Variants in MYOM1 observed in about 807,000 individuals in gnomAD.
The protein encoded by MYOM1 is myomesin-1.
Under a neutral mutation model 205.3 loss-of-function variants are expected in MYOM1, and 164 were observed. That is an observed-to-expected ratio of 0.80 (90% CI 0.70 to 0.91). The LOEUF is 0.91. Ranked by LOEUF, MYOM1 falls within the 40% of genes least tolerant of loss-of-function variation. The pLI, the probability that MYOM1 is intolerant of heterozygous loss-of-function variation, is 0.00. For missense variants in MYOM1, 2,011 were observed against 2,127.3 expected, an observed-to-expected ratio of 0.95 and a Z score of 1.08; for synonymous variants, 772 against 789.4, an observed-to-expected ratio of 0.98 and a Z score of 0.37.
chr18:3,114,410 T>C (rs7506194), intron 21 of MYOM1, among the ~76,000 whole-genome samples: 131,132 of 150,172 alleles, frequency 0.87, 57,787 homozygotes, highest in East Asian at 0.97. Flanking sequence ...CAGAGTCTCG[T>C]TCTGTTGCCC....
intron 21 of MYOM1, among the ~76,000 whole-genome samples, chr18:3,114,569 T>TTTTTTTTTTG (rs1349795714): frequency 1.5e-5 from 2 of 131,994 alleles, no homozygotes; most frequent in African/African-American, 5.4e-5. Context: ...TTTTTTTTTT[T>TTTTTTTTTTG]AGAGACAGGG....
intron 21 of MYOM1, among the ~76,000 whole-genome samples, chr18:3,113,296 GTC>G (rs1567911977): frequency 1.1e-3 from 12 of 11,180 alleles, no homozygotes; most frequent in Non-Finnish European, 2.2e-3. Context: ...ATGTGTTTGT[GTC>G]TATATATATA....
chr18:3,170,678 G>C (rs751869710), intron 8 of MYOM1, among the ~76,000 whole-genome samples: 1 of 152,148 alleles, frequency 6.6e-6, no homozygotes, highest in Non-Finnish European at 1.5e-5. Flanking sequence ...AGAAACGACT[G>C]TTTATTGATG....
At chr18:3,134,625 C>T (rs754859000) in intron 16 of MYOM1, 25 bp downstream of exon 16, 59 of 1,586,222 alleles carry the variant, frequency 3.7e-5, no homozygotes, top group South Asian at 3.2e-4. Flanking sequence ...GGCCATTGCC[C>T]GCCCTGCACA....
At chr18:3,173,162 A>T (rs548618173) in intron 8 of MYOM1, among the ~76,000 whole-genome samples, 2 of 152,372 alleles carry the variant, frequency 1.3e-5, no homozygotes, top group African/African-American at 2.4e-5. Context: ...CTTCTCATAA[A>T]TAGAAGTTCT....
At chr18:3,137,261 T>C (rs565965754) in intron 14 of MYOM1, among the ~76,000 whole-genome samples, 50 of 152,308 alleles carry the variant, frequency 3.3e-4, no homozygotes, top group African/African-American at 1.1e-3. Flanking sequence ...GTGTTTTTTT[T>C]CTAAATGACT....
intron 23 of MYOM1, among the ~76,000 whole-genome samples, chr18:3,101,132 T>A (rs2079370211): frequency 6.6e-6 from 1 of 152,242 alleles, no homozygotes. Context: ...AAATGTGTTT[T>A]ATGTCAAGAA....
chr18:3,206,197 T>C (rs1298630953), intron 2 of MYOM1, among the ~76,000 whole-genome samples: 2 of 152,254 alleles, frequency 1.3e-5, no homozygotes, highest in South Asian at 2.1e-4. Context: ...TGCTGACTTA[T>C]CTATGTGTTT....
intron 13 of MYOM1, among the ~76,000 whole-genome samples, chr18:3,147,112 T>A (rs1248761526): frequency 1.4e-5 from 2 of 140,452 alleles, no homozygotes; most frequent in Admixed American, 1.5e-4. Context: ...ATATATATAT[T>A]TATATATAAA....
At chr18:3,235,334 CT>C in the MYOM1 span, among the ~76,000 whole-genome samples, 1 of 152,180 alleles carries the variant, frequency 6.6e-6, no homozygotes, top group Non-Finnish European at 1.5e-5. Context: ...AGTGAGTGGC[CT>C]TACCATCTGT....
chr18:3,188,610 C>G (rs1264583351), intron 4 of MYOM1, 138 bp downstream of exon 4: 1 of 960,614 alleles, frequency 1.0e-6, no homozygotes, highest in African/African-American at 1.7e-5. Context: ...ACCTGGGGGA[C>G]AGAGTGAGAC....
rs1384852621 is a variant in MYOM1 at position 3,151,761 on chromosome 18, T to C, written c.1776A>G (p.Ile592Met). The change falls in exon 12 of 38, where the codon ATA (isoleucine) becomes ATG (methionine). Residue 592 changes from isoleucine to methionine, a missense_variant. Coordinates refer to ENST00000356443, the MANE Select transcript of MYOM1 (RefSeq NM_003803.4). ...GCTCGGAAACTCGAGATGGGAAACC[T>C]ATTCCCATTTTATTCACAGCTCGAA... ...FRVRAVNKMG[I>M]GFPSRVSEPV... 6.2e-7 allele frequency: 1 copy of C among 1,613,894 alleles called. No individual in the cohort carries two copies. The highest frequency in any genetic ancestry group is 8.5e-7 in the Non-Finnish European group (1 of 1,179,816).
At chr18:3,194,079 A>G in intron 2 of MYOM1, 121 bp from the exon 3 acceptor site, 1 of 954,782 alleles carries the variant, frequency 1.0e-6, no homozygotes, top group Non-Finnish European at 1.5e-6. Context: ...CTAATGTTAC[A>G]ATTATCTCTT....
rs1225172308 is a variant in MYOM1, at chr18:3,154,981, C to T, written c.1609G>A (p.Gly537Arg). 1.9e-6 allele frequency: 3 copies of T among 1,612,702 alleles called. No individual in the cohort carries two copies. In the African/African-American group the frequency reaches 4.0e-5, roughly 22 times the overall value. ...IISWKQPAVD[G>R]GSPILGYFID... Reference sequence around the variant, plus strand: ...AAATATCCGAGAATAGGACTCCCTCCATCGACAGCTGGCTGTTTCCAGGAG... The same window carrying T: ...AAATATCCGAGAATAGGACTCCCTCTATCGACAGCTGGCTGTTTCCAGGAG... The change falls in exon 11 of 38, where the codon GGA becomes AGA. Residue 537 changes from glycine to arginine, a missense_variant. Gly to Arg is a moderately radical substitution (Grantham distance 125). Transcript: ENST00000356443.
chr18:3,114,094 T>C (rs1311605379), intron 21 of MYOM1, among the ~76,000 whole-genome samples: 3 of 152,224 alleles, frequency 2.0e-5, no homozygotes, highest in Non-Finnish European at 1.5e-5. Context: ...TTAGAAATAA[T>C]GCCAGGAAAC....
intron 11 of MYOM1, 49 bp downstream of exon 11, chr18:3,154,898 G>A (rs531470340): frequency 7.0e-6 from 11 of 1,566,216 alleles, no homozygotes; most frequent in East Asian, 2.3e-5. Flanking sequence ...AATCAAGCAC[G>A]CATCTCTATG....
At chr18:3,088,210 C>CAGA (rs1156873449) in intron 29 of MYOM1, among the ~76,000 whole-genome samples, 1 of 152,096 alleles carries the variant, frequency 6.6e-6, no homozygotes. Context: ...ACAGCAAGCG[C>CAGA]AGAAGGCGAG....
chr18:3,116,861 G>T (rs6506066), intron 20 of MYOM1, among the ~76,000 whole-genome samples: 124,524 of 152,032 alleles, frequency 0.82, 52,370 homozygotes, highest in East Asian at 0.97. Flanking sequence ...CATATTTTTT[G>T]ATTTTTATTT....
the MYOM1 span, among the ~76,000 whole-genome samples, chr18:3,241,586 G>A: frequency 6.6e-6 from 1 of 152,258 alleles, no homozygotes; most frequent in Admixed American, 6.5e-5. Context: ...GAGAACCTCT[G>A]CTAGGGCAGT....
Sources: allele counts gnomAD v4.1 joint callset (sites outside exome capture counted in the v4.1 genomes callset), GRCh38; gene constraint gnomAD v4.1.1; transcripts MANE v1.5; gene names NCBI Gene and HGNC (gene_info 2026-07-23, HGNC 2026-07-21).